NRXN1: variants seen among roughly 807,000 people sequenced by gnomAD.
The protein encoded by NRXN1 is neurexin 1, also known as neurexin-1.
In NRXN1, 39 loss-of-function variants were observed where a neutral mutation model predicts 150.9. The ratio of observed to expected loss-of-function variants is 0.26; its 90% confidence interval spans 0.20 to 0.34. The LOEUF is 0.34. NRXN1 is among the 10% of genes least tolerant of loss of function. The pLI, the probability that NRXN1 is intolerant of heterozygous loss-of-function variation, is 1.00. For missense variants in NRXN1, 1,815 were observed against 1,949.9 expected, an observed-to-expected ratio of 0.93 and a Z score of 1.30; for synonymous variants, 924 against 757.0, an observed-to-expected ratio of 1.22 and a Z score of -3.62.
chr2:49,918,744 G>A lies in NRXN1; in HGVS notation c.*3200C>T, dbSNP rs1190308258. On this transcript the variant is annotated 3_prime_UTR_variant, in exon 23 of 23. Coordinates refer to ENST00000401669, the MANE Select transcript of NRXN1 (RefSeq NM_001330078.2). Reference sequence around the variant, plus strand: ...ACTAGTTAAATCCAGAAAAAAGAGAGTCAACATTCTTCCTCTATAATATAA... The same window carrying A: ...ACTAGTTAAATCCAGAAAAAAGAGAATCAACATTCTTCCTCTATAATATAA... 1.3e-5 allele frequency: 2 copies of A among 152,096 alleles called. No homozygotes were observed. The highest frequency in any genetic ancestry group is 2.4e-5 in the African/African-American group (1 of 41,416). The allele number at this position is 152,096 out of a possible 1,614,324, so 9.4% of individuals were successfully genotyped here.
intron 18 of NRXN1, among the ~76,000 whole-genome samples, chr2:50,166,880 G>A (rs1246743169): frequency 6.6e-6 from 1 of 152,066 alleles, no homozygotes; most frequent in Non-Finnish European, 1.5e-5. Context: ...AAGCACCCCT[G>A]GTGATGTTTA....
At chr2:50,048,564 T>C (rs1205112617) in intron 21 of NRXN1, among the ~76,000 whole-genome samples, 1 of 152,164 alleles carries the variant, frequency 6.6e-6, no homozygotes, top group African/African-American at 2.4e-5. Context: ...ATAATATTCA[T>C]TTTTCATGAG....
At position 50,346,283 on chromosome 2, in the gene NRXN1, C is replaced by T. The variant is rs1239520634; in HGVS notation, c.3365-109313G>A. 6.6e-6 allele frequency among the ~76,000 whole-genome samples: 1 copy of T among 152,174 alleles called. No homozygotes were observed. Among genetic ancestry groups the T allele is most frequent in the East Asian group, 1.9e-4 (1 of 5,152 alleles). ...GCAGGAGGTGGGGCAGCATATACAG[C>T]ACAGACAAAAGGTTCTGCAGAGCCC... On this transcript the variant is annotated intron_variant, in intron 17 of 22. Transcript: ENST00000401669. This position sits in a 1 kb window ranked among gnomAD's most constrained non-coding sequence, Gnocchi z 5.0.
At chr2:50,218,053 A>G (rs968114161) in intron 18 of NRXN1, among the ~76,000 whole-genome samples, 4 of 152,034 alleles carry the variant, frequency 2.6e-5, no homozygotes, top group Non-Finnish European at 5.9e-5. Context: ...CCTCCTCTGC[A>G]AAGGTGCTCC....
chr2:50,656,527 C>A (rs1474214238), intron 5 of NRXN1: 2 of 592,872 alleles, frequency 3.4e-6, no homozygotes, highest in South Asian at 4.4e-5. Context: ...GTTAATTTAT[C>A]CCCTAAATAA....
At chr2:50,522,222 A>T (rs945890965) in intron 12 of NRXN1, among the ~76,000 whole-genome samples, 3 of 152,186 alleles carry the variant, frequency 2.0e-5, no homozygotes, top group African/African-American at 7.2e-5. Context: ...TTTGTATAAA[A>T]GAAACTCCCT....
intron 12 of NRXN1, among the ~76,000 whole-genome samples, chr2:50,525,408 T>A (rs1182621292): frequency 6.6e-6 from 1 of 152,188 alleles, no homozygotes; most frequent in Non-Finnish European, 1.5e-5. Context: ...TCCTTCACTG[T>A]CTAAGAAAGA....
chr2:50,856,025 CTT>C (rs202077470), intron 5 of NRXN1, among the ~76,000 whole-genome samples: 9 of 138,670 alleles, frequency 6.5e-5, no homozygotes, highest in African/African-American at 7.9e-5. Flanking sequence ...CACGAGTAGC[CTT>C]TTTTTTTTTT....
At chr2:50,225,730 C>T (rs1356615701) in intron 18 of NRXN1, among the ~76,000 whole-genome samples, 3 of 151,826 alleles carry the variant, frequency 2.0e-5, no homozygotes, top group African/African-American at 7.3e-5. Context: ...TTTGCTGACT[C>T]TCATTATTGG....
intron 5 of NRXN1, among the ~76,000 whole-genome samples, chr2:50,629,954 TTTCTAGCCACAGCAATG>T (rs1271174163): frequency 6.6e-6 from 1 of 151,634 alleles, no homozygotes; most frequent in African/African-American, 2.4e-5. Flanking sequence ...AGAGCCTCTA[TTTCTAGCCACAGCAATG>T]TTATGATAAA....
Position 50,347,656 on chromosome 2 carries a change from G to A in NRXN1, c.3365-110686C>T. 1 of 987,668 alleles carries A rather than the reference G, an allele frequency of 1.0e-6. No individual in the cohort carries two copies. The highest frequency in any genetic ancestry group is 1.2e-6 in the Non-Finnish European group (1 of 831,334). 61.2% of individuals were successfully genotyped at this position (987,668 alleles called of 1,614,324 possible). On this transcript the variant is annotated intron_variant, in intron 17 of 22. Coordinates refer to ENST00000401669, the MANE Select transcript of NRXN1 (RefSeq NM_001330078.2). This position sits in a 1 kb window ranked among gnomAD's most constrained non-coding sequence, Gnocchi z 4.9. The stretch of plus-strand genomic sequence containing the variant: ...TTCAGAGGGAAGAGTGCGCCCTTCT[G>A]AAGGAAGTGGGAATCGAACGGCGGA...
intron 18 of NRXN1, among the ~76,000 whole-genome samples, chr2:50,108,774 T>G (rs1194200812): frequency 6.6e-6 from 1 of 152,098 alleles, no homozygotes; most frequent in Non-Finnish European, 1.5e-5. Context: ...TAAAACAGTT[T>G]TACATTGTCA....
intron 5 of NRXN1, among the ~76,000 whole-genome samples, chr2:50,801,021 C>A (rs184603195): frequency 1.3e-5 from 2 of 152,212 alleles, no homozygotes; most frequent in Admixed American, 1.3e-4. Flanking sequence ...TGAATGACTT[C>A]TATTAAACTA....
At chr2:50,631,067 C>A (rs1449073317) in intron 5 of NRXN1, 3 of 445,484 alleles carry the variant, frequency 6.7e-6, no homozygotes, top group Admixed American at 2.6e-5. Context: ...GAAATTAAAA[C>A]AATAAATTGA....
rs150202730 is a variant in NRXN1, at chr2:50,877,871, T to G, written c.832+43998A>C. On this transcript the variant is annotated intron_variant, in intron 5 of 22. Coordinates refer to ENST00000401669, the MANE Select transcript of NRXN1 (RefSeq NM_001330078.2). ...CAAAAACGTTAGAGAATTCTTTTCCTTGGCATCAACTCTTCTGAGATGGAG... is the reference window on the plus strand; with the variant it reads ...CAAAAACGTTAGAGAATTCTTTTCCGTGGCATCAACTCTTCTGAGATGGAG... 2.7e-4 allele frequency among the ~76,000 whole-genome samples: 41 copies of G among 152,090 alleles called. No homozygotes were observed. In the East Asian group the frequency reaches 8.0e-3, roughly 30 times the overall value.
chr2:50,666,218 T>C (rs944321158), intron 5 of NRXN1, among the ~76,000 whole-genome samples: 8 of 152,020 alleles, frequency 5.3e-5, no homozygotes, highest in East Asian at 3.9e-4. Context: ...ATCTATGATA[T>C]GCACATCAGT....
chr2:50,941,418 T>C (rs1451188396), intron 2 of NRXN1, among the ~76,000 whole-genome samples: 4 of 152,174 alleles, frequency 2.6e-5, no homozygotes, highest in South Asian at 4.1e-4. Flanking sequence ...ATGGGAAAGT[T>C]TGGAACTTCC....
At chr2:50,479,479 G>C (rs1285512289) in intron 15 of NRXN1, among the ~76,000 whole-genome samples, 1 of 152,096 alleles carries the variant, frequency 6.6e-6, no homozygotes. Context: ...TCAGTTCTTT[G>C]TATGTGTAAG....
chr2:50,265,251 G>A (rs944346059), intron 17 of NRXN1, among the ~76,000 whole-genome samples: 33 of 151,460 alleles, frequency 2.2e-4, no homozygotes, highest in African/African-American at 7.5e-4. Flanking sequence ...AACAAACACC[G>A]AAAAAAAATG....
Sources: allele counts gnomAD v4.1 joint callset (sites outside exome capture counted in the v4.1 genomes callset), GRCh38; gene constraint gnomAD v4.1.1; non-coding constraint Gnocchi (gnomAD v3.1); transcripts MANE v1.5; gene names NCBI Gene and HGNC (gene_info 2026-07-23, HGNC 2026-07-21).